The following HEATR1 variants were observed in gnomAD, a reference collection of about 807,000 sequenced individuals.
HEATR1 encodes the protein HEAT repeat-containing protein 1.
In HEATR1, 77 loss-of-function variants were observed where a neutral mutation model predicts 248.2. The observed-to-expected ratio is 0.31, with a 90% CI of 0.26 to 0.37. The LOEUF (loss-of-function observed/expected upper bound fraction) is 0.37, where lower values mean the gene tolerates loss of function less well. Among genes scored for constraint, HEATR1 ranks in the 10% least tolerant of loss-of-function variants. HEATR1 has a pLI of 1.00. For missense variants in HEATR1, 2,420 were observed against 2,504.9 expected, an observed-to-expected ratio of 0.97 and a Z score of 0.72; for synonymous variants, 897 against 923.1, an observed-to-expected ratio of 0.97 and a Z score of 0.51.
Position 236,550,875 on chromosome 1 carries a change from G to A in HEATR1, c.*27C>T, listed in dbSNP as rs749934944. The A allele has an allele frequency of 1.3e-6, 2 of 1,522,444 alleles. No homozygotes were observed. Among genetic ancestry groups the A allele is most frequent in the Non-Finnish European group, 1.8e-6 (2 of 1,122,448 alleles). The allele number at this position is 1,522,444 out of a possible 1,614,324, so 94.3% of individuals were successfully genotyped here. ...TATGAAATATGAGTGTGAACTCTGAGTAGAGTATGAAACACCACAGAAAGT... is the reference window on the plus strand; with the variant it reads ...TATGAAATATGAGTGTGAACTCTGAATAGAGTATGAAACACCACAGAAAGT... On this transcript the variant is annotated 3_prime_UTR_variant, in exon 45 of 45. Transcript: ENST00000366582.
intron 25 of HEATR1, 38 bp from the exon 26 acceptor site, chr1:236,572,592 C>T: frequency 1.2e-6 from 2 of 1,612,224 alleles, no homozygotes; most frequent in Non-Finnish European, 1.7e-6. Context: ...GAAAAGCAAA[C>T]TCTATCATGT....
chr1:236,569,197 G>T, intron 28 of HEATR1, 73 bp from the exon 29 acceptor site: 1 of 1,176,820 alleles, frequency 8.5e-7, no homozygotes, highest in Non-Finnish European at 1.2e-6. Flanking sequence ...AAGAGATAGC[G>T]TCTCGCTCCG....
chr1:236,597,072 C>G (rs999367389), intron 5 of HEATR1, 96 bp from the exon 6 acceptor site: 2 of 1,070,658 alleles, frequency 1.9e-6, no homozygotes, highest in African/African-American at 3.2e-5. Context: ...TTTCAATGAA[C>G]TATGATGGCA....
At chr1:236,575,038 A>C in intron 22 of HEATR1, 135 bp from the exon 23 acceptor site, 1 of 729,964 alleles carries the variant, frequency 1.4e-6, no homozygotes, top group Non-Finnish European at 2.2e-6. Context: ...GTAACTTCTT[A>C]GACATGGAGA....
chr1:236,576,388 A>G lies in HEATR1; in HGVS notation c.2926-11T>C, dbSNP rs187861852. 1.4e-4 allele frequency: 220 copies of G among 1,554,732 alleles called. No homozygotes were observed. The African/African-American group carries it at 2.7e-3, about 19-fold the overall frequency. On this transcript the variant is annotated splice_polypyrimidine_tract_variant and intron_variant, in intron 21 of 44. Coordinates refer to ENST00000366582, the MANE Select transcript of HEATR1 (RefSeq NM_018072.6). ...TAAAGTAGCCAAATCCTAAGATACC[A>G]AAAAGAAAATTGGATAAAAAAGGGT...
chr1:236,594,304 T>A (rs1664119213), intron 8 of HEATR1, among the ~76,000 whole-genome samples, 190 bp from the exon 9 acceptor site: 1 of 152,230 alleles, frequency 6.6e-6, no homozygotes, highest in Non-Finnish European at 1.5e-5. Flanking sequence ...TTTGTATAGA[T>A]CACCTTCATT....
At chr1:236,585,520 TAACAACAAC>T (rs545186141) in intron 16 of HEATR1, among the ~76,000 whole-genome samples, 1 of 152,110 alleles carries the variant, frequency 6.6e-6, no homozygotes, top group Non-Finnish European at 1.5e-5. Flanking sequence ...TTTGCTATTT[TAACAACAAC>T]AACAACAAAA....
At chr1:236,557,446 T>C (rs1410012458) in intron 36 of HEATR1, 101 bp from the exon 37 acceptor site, 4 of 1,230,864 alleles carry the variant, frequency 3.2e-6, no homozygotes, top group East Asian at 4.8e-5. Flanking sequence ...CTGTGCCTAT[T>C]ACATCGCTAT....
At chr1:236,552,563 G>A (rs2759000) in intron 43 of HEATR1, 92,923 of 152,506 alleles carry the variant, frequency 0.61, 29,260 homozygotes, top group Non-Finnish European at 0.69. Flanking sequence ...GGCCAGGACA[G>A]TCGCTTGGGA....
chr1:236,599,366 A>C (rs1572055289), intron 4 of HEATR1, 117 bp downstream of exon 4: 2 of 707,056 alleles, frequency 2.8e-6, no homozygotes, highest in East Asian at 5.9e-5. Flanking sequence ...CAGGAAATAA[A>C]AATGATGGAG....
intron 15 of HEATR1, 25 bp from the exon 16 acceptor site, chr1:236,585,966 G>C (rs1663874073): frequency 6.2e-7 from 1 of 1,611,994 alleles, no homozygotes; most frequent in South Asian, 1.1e-5. Flanking sequence ...CGAATGCAGA[G>C]AGCTCTTATG....
chr1:236,583,189 G>C lies in HEATR1; in HGVS notation c.2249C>G (p.Pro750Arg). ...LESVITAVEIPSEWHIELMLD... is the reference protein window; with the variant it reads ...LESVITAVEIRSEWHIELMLD... ...CATCAGTTCAATGTGCCATTCTGAG[G>C]GGATTTCCTGAAATGTTAAAGGAAA... Residue 750 changes from proline (P) to arginine (R), a missense_variant, in exon 18 of 45, where the codon CCC (proline) becomes CGC (arginine). Coordinates refer to ENST00000366582, the MANE Select transcript of HEATR1 (RefSeq NM_018072.6). The C allele has an allele frequency of 6.3e-7, 1 of 1,586,552 alleles. No homozygotes were observed.
rs565159303 is a variant in HEATR1, at chr1:236,597,030, G to C, written c.604-54C>G. 1.2e-5 allele frequency: 19 copies of C among 1,550,366 alleles called. No homozygotes were observed. The African/African-American group carries it at 2.2e-4, about 18-fold the overall frequency. ...TTTAACAGTGAAAGGGAGGTAGAAG[G>C]ATTGCTTGAGGCCAGGAGTTCAAGG... On this transcript the variant is annotated intron_variant, in intron 5 of 44. Coordinates refer to ENST00000366582, the MANE Select transcript of HEATR1 (RefSeq NM_018072.6).
At position 236,555,285 on chromosome 1, in the gene HEATR1, C is replaced by T. The variant is rs780008977; in HGVS notation, c.5923+11G>A. ...GGCAAGGGTGACAGCTGAACTGAAG[C>T]GACCACCCACCTGTTTTGGAGATGT... On this transcript the variant is annotated intron_variant, in intron 41 of 44. Coordinates refer to ENST00000366582, the MANE Select transcript of HEATR1 (RefSeq NM_018072.6). 19 of 1,612,884 alleles carry T rather than the reference C, an allele frequency of 1.2e-5. No homozygotes were observed. Among genetic ancestry groups the T allele is most frequent in the East Asian group, 8.9e-5 (4 of 44,878 alleles).
chr1:236,592,371 A>AT (rs957866283), intron 10 of HEATR1, 152 bp downstream of exon 10: 48 of 589,344 alleles, frequency 8.1e-5, no homozygotes, highest in South Asian at 7.0e-4. Context: ...TATTTCAAAT[A>AT]TTTTTGATTC....
chr1:236,556,307 A>G (rs1662975871), intron 37 of HEATR1, 49 bp from the exon 38 acceptor site: 3 of 1,580,564 alleles, frequency 1.9e-6, no homozygotes, highest in Non-Finnish European at 2.6e-6. Flanking sequence ...ATCTTCGCTG[A>G]CAAACACACA....
chr1:236,591,270 G>A (rs753074624), intron 11 of HEATR1, among the ~76,000 whole-genome samples: 7 of 150,374 alleles, frequency 4.7e-5, no homozygotes, highest in Non-Finnish European at 1.0e-4. Flanking sequence ...ATAAATCCCT[G>A]TTTTAGCACC....
chr1:236,601,391 T>G (rs1168666631), intron 3 of HEATR1, among the ~76,000 whole-genome samples: 1 of 152,114 alleles, frequency 6.6e-6, no homozygotes, highest in East Asian at 1.9e-4. Flanking sequence ...GAATTACAAG[T>G]GCTCGCCACT....
chr1:236,603,392 G>C lies in HEATR1; in HGVS notation c.143-16C>G. On this transcript the variant is annotated splice_polypyrimidine_tract_variant and intron_variant, in intron 2 of 44. Transcript: ENST00000366582. The stretch of plus-strand genomic sequence containing the variant: ...CCAGTACATCCTAAATTTCAAAAAA[G>C]GCCAGTTTATTTAACAATTCTTCGT... 1 of 1,605,152 alleles carries C rather than the reference G, an allele frequency of 6.2e-7. No individual in the cohort carries two copies. Among genetic ancestry groups the C allele is most frequent in the South Asian group, 1.1e-5 (1 of 90,906 alleles).
Sources: allele counts gnomAD v4.1 joint callset (sites outside exome capture counted in the v4.1 genomes callset), GRCh38; gene constraint gnomAD v4.1.1; transcripts MANE v1.5; gene names NCBI Gene and HGNC (gene_info 2026-07-23, HGNC 2026-07-21).